APBB3: variants seen among roughly 807,000 people sequenced by gnomAD.
APBB3 encodes the protein amyloid-beta A4 precursor protein-binding family B member 3.
In APBB3, 50 loss-of-function variants were observed where a neutral mutation model predicts 61.5. The ratio of observed to expected loss-of-function variants is 0.81; its 90% CI spans 0.65 to 1.03. The LOEUF (loss-of-function observed/expected upper bound fraction) is 1.03, where lower values mean the gene tolerates loss of function less well. Ranked by LOEUF, APBB3 falls within the 50% of genes least tolerant of loss-of-function variation. The pLI, the probability that APBB3 is intolerant of heterozygous loss-of-function variation, is 0.00. For synonymous variants in APBB3, 235 were observed against 233.0 expected (o/e 1.01, Z -0.08); for missense variants, 550 against 637.4 (o/e 0.86, Z 1.48).
chr5:140,561,587 C>G lies in APBB3; in HGVS notation c.747G>C (p.Gln249His). The change falls in exon 8 of 13, where the codon CAG becomes CAC. Residue 249 changes from glutamine to histidine, a missense_variant and splice_region_variant. Gln to His is a conservative substitution (Grantham distance 24). Coordinates refer to ENST00000357560, the MANE Select transcript of APBB3 (RefSeq NM_133173.3). ...IASALHGLCA[Q>H]ILSERVEVSG... Reference sequence around the variant, plus strand: ...TCCCTGCCCCACCCCTGACACTTACCTGGGCACAAAGCCCATGTAGGGCAC... The same window carrying G: ...TCCCTGCCCCACCCCTGACACTTACGTGGGCACAAAGCCCATGTAGGGCAC... 6.2e-7 allele frequency: 1 copy of G among 1,614,198 alleles called. No individual in the cohort carries two copies. The highest frequency in any genetic ancestry group is 1.3e-5 in the African/African-American group (1 of 75,066).
intron 12 of APBB3, among the ~76,000 whole-genome samples, chr5:140,559,022 T>C (rs564866093): frequency 6.6e-6 from 1 of 152,320 alleles, no homozygotes; most frequent in South Asian, 2.1e-4. Flanking sequence ...GAGGGCAGGC[T>C]GGACACTGCT....
At chr5:140,561,344 G>A (rs1035801009) in intron 9 of APBB3, 21 bp downstream of exon 9, 1 of 1,613,450 alleles carries the variant, frequency 6.2e-7, no homozygotes, top group Non-Finnish European at 8.5e-7. Context: ...ATGCAGCAAT[G>A]CAGGTCTCCC....
Position 140,560,466 on chromosome 5 carries a change from G to A in APBB3, c.1071C>T (p.Cys357=). ...CAATAAATGTCACAAGGCGCACAGG[G>A]CACTGCCACAATGGCTCCTCCTCTG... ...ASTEEEPLWQ[C]PVRLVTFIGV... is the part of the protein sequence containing the mutation. Residue 357 remains cysteine (C), a synonymous_variant, in exon 12 of 13, where the codon TGC becomes TGT. Coordinates refer to ENST00000357560, the MANE Select transcript of APBB3 (RefSeq NM_133173.3). The surrounding 1 kb of genome is among the most constrained non-coding windows in gnomAD (Gnocchi z 5.1). The A allele has an allele frequency of 6.2e-7, 1 of 1,614,090 alleles. No homozygotes were observed.
rs775462297 is a variant in APBB3 at position 140,560,432 on chromosome 5, G to A, written c.1105C>T (p.Arg369Cys). 2.9e-5 allele frequency: 46 copies of A among 1,614,032 alleles called. 1 individual carries two copies. In the Admixed American group the frequency reaches 4.3e-4, roughly 15 times the overall value. ...VRLVTFIGVG[R>C]DPHTFGLIAD... ...ATGAGGCCAAAGGTGTGTGGGTCGC[G>A]GCCAACACCAATAAATGTCACAAGG... The change falls in exon 12 of 13, where the codon CGC (arginine) becomes TGC (cysteine). Residue 369 changes from arginine to cysteine, a missense_variant. Transcript: ENST00000357560. The surrounding 1 kb of genome is among the most constrained non-coding windows in gnomAD (Gnocchi z 5.1).
chr5:140,558,728 A>G lies in APBB3; in HGVS notation c.1318T>C (p.Ser440Pro). The G allele has an allele frequency of 6.2e-7, 1 of 1,608,418 alleles. No individual in the cohort carries two copies. Among genetic ancestry groups the G allele is most frequent in the Non-Finnish European group, 8.5e-7 (1 of 1,178,486 alleles). Residue 440 changes from serine (S) to proline (P), a missense_variant, in exon 13 of 13, where the codon TCC (serine) becomes CCC (proline). Transcript: ENST00000357560. Reference protein sequence around the residue: ...RARLRLKRTSSMDSPGGPLPL... With the variant: ...RARLRLKRTSPMDSPGGPLPL... ...AGGGGACCTCCTGGGGAATCCATGGAGCTGGTCCGCTTGAGCCGCAGGCGG... is the reference window on the plus strand; with the variant it reads ...AGGGGACCTCCTGGGGAATCCATGGGGCTGGTCCGCTTGAGCCGCAGGCGG...
At chr5:140,561,487 GA>G (rs1337873349) in intron 8 of APBB3, 38 bp from the exon 9 acceptor site, 1 of 1,613,876 alleles carries the variant, frequency 6.2e-7, no homozygotes, top group Admixed American at 1.7e-5. Context: ...CACAGGGAGA[GA>G]GGGGAATTAG....
rs746301666 is a variant in APBB3, at chr5:140,561,011, T to C, written c.916+7A>G. ...AGCCCACCACATGCAGCCCCCTCAG[T>C]CCTCACCCATGGCCTTGGTGACTGG... On this transcript the variant is annotated splice_region_variant and intron_variant, in intron 10 of 12. Transcript: ENST00000357560. The C allele has an allele frequency of 1.3e-5, 21 of 1,611,816 alleles. No individual in the cohort carries two copies. The highest frequency in any genetic ancestry group is 1.7e-5 in the Admixed American group (1 of 60,002).
rs1754789416 is a variant in APBB3 at position 140,558,402 on chromosome 5, G to A, written c.*183C>T. 6.8e-6 allele frequency: 5 copies of A among 731,070 alleles called. No individual in the cohort carries two copies. Among genetic ancestry groups the A allele is most frequent in the Non-Finnish European group, 9.7e-6 (4 of 413,910 alleles). 45.3% of individuals were successfully genotyped at this position (731,070 alleles called of 1,614,324 possible). A position where few individuals can be genotyped will look rare whatever the true frequency, so the allele number is the denominator to read the frequency against. ...AAGGGGAGCCAGGGTCCTACGTTGT[G>A]GTGCAGTGCCTCCCAGTCATCCGTA... On this transcript the variant is annotated 3_prime_UTR_variant, in exon 13 of 13. Coordinates refer to ENST00000357560, the MANE Select transcript of APBB3 (RefSeq NM_133173.3).
At position 140,562,716 on chromosome 5, in the gene APBB3, G is replaced by C. The variant is rs1392600949; in HGVS notation, c.298C>G (p.Leu100Val). The C allele has an allele frequency of 1.2e-6, 2 of 1,614,158 alleles. No individual in the cohort carries two copies. Among genetic ancestry groups the C allele is most frequent in the African/African-American group, 1.3e-5 (1 of 75,060 alleles). ...LESSLDRSNS[L>V]SWYGGESYIQ... The stretch of plus-strand genomic sequence containing the variant: ...TAGGATTCCCCACCATACCAGGACA[G>C]AGAGTTACTGAAACAGAGCAGAGCT... The change falls in exon 4 of 13, where the codon CTG becomes GTG. Residue 100 changes from leucine to valine, a missense_variant. Physicochemically the swap from Leu to Val is conservative, Grantham distance 32. This residue lies in a region of APBB3 where 405 missense variants were observed against 483.4 expected (regional missense o/e 0.84). Transcript: ENST00000357560.
At position 140,562,347 on chromosome 5, in the gene APBB3, A is replaced by G; in HGVS notation, c.498+6T>C. ...CCCAAACCATTAAAGGGCCCAGCCAACTCACCTCACCCCAGGCACCATCTG... is the reference window on the plus strand; with the variant it reads ...CCCAAACCATTAAAGGGCCCAGCCAGCTCACCTCACCCCAGGCACCATCTG... On this transcript the variant is annotated splice_donor_region_variant and intron_variant, in intron 5 of 12. Transcript: ENST00000357560. 1 of 1,613,720 alleles carries G rather than the reference A, an allele frequency of 6.2e-7. No individual in the cohort carries two copies. Among genetic ancestry groups the G allele is most frequent in the Non-Finnish European group, 8.5e-7 (1 of 1,179,836 alleles).
Position 140,561,045 on chromosome 5 carries a change from C to T in APBB3, c.889G>A (p.Gly297Arg), listed in dbSNP as rs1265571953. The T allele has an allele frequency of 2.5e-6, 4 of 1,613,762 alleles. No individual in the cohort carries two copies. Among genetic ancestry groups the T allele is most frequent in the Admixed American group, 1.7e-5 (1 of 60,024 alleles). The change falls in exon 10 of 13, where the codon GGG becomes AGG. Residue 297 changes from glycine (G) to arginine (R), a missense_variant. Around this residue, in one of 3 missense-constraint regions of APBB3, gnomAD observed 405 missense variants for 483.4 expected, o/e 0.84. Transcript: ENST00000357560. ...ATGGCCTTGGTGACTGGCAGTGTCC[C>T]CATATACAGTGCCTCGTACTTCTGA... ...AAQKYEALYMGTLPVTKAMGM... is the reference protein window; with the variant it reads ...AAQKYEALYMRTLPVTKAMGM...
At position 140,560,683 on chromosome 5, in the gene APBB3, T is replaced by C. The variant is rs1561870061; in HGVS notation, c.988A>G (p.Met330Val). The change falls in exon 11 of 13, where the codon ATG becomes GTG. Residue 330 changes from methionine to valine, a missense_variant. Met to Val is a conservative substitution (Grantham distance 21). Around this residue, in one of 3 missense-constraint regions of APBB3, gnomAD observed 405 missense variants for 483.4 expected, o/e 0.84. Coordinates refer to ENST00000357560, the MANE Select transcript of APBB3 (RefSeq NM_133173.3). The surrounding 1 kb of genome is among the most constrained non-coding windows in gnomAD (Gnocchi z 5.1). ...RGDRNAWVPT[M>V]LSVSDSLMTA... ...ATGAGAGAGTCAGACACACTGAGCA[T>C]GGTGGGGACCCAGGCATTCCGGTCC... The C allele has an allele frequency of 6.2e-7, 1 of 1,614,146 alleles. No homozygotes were observed. The highest frequency in any genetic ancestry group is 1.1e-5 in the South Asian group (1 of 91,082).
chr5:140,561,166 A>C, intron 9 of APBB3, 65 bp from the exon 10 acceptor site: 1 of 1,577,914 alleles, frequency 6.3e-7, no homozygotes, highest in Non-Finnish European at 8.7e-7. Flanking sequence ...ACCCTTCTCA[A>C]TGGGCCAGGA....
Position 140,560,490 on chromosome 5 carries a change from T to C in APBB3, c.1047A>G (p.Thr349=), listed in dbSNP as rs1246277430. Residue 349 remains threonine, a synonymous_variant, in exon 12 of 13, where the codon ACA becomes ACG. Coordinates refer to ENST00000357560, the MANE Select transcript of APBB3 (RefSeq NM_133173.3). The surrounding 1 kb of genome is among the most constrained non-coding windows in gnomAD (Gnocchi z 5.1). ...TAHPIQAEAS[T]EEEPLWQCPV... ...GGCACTGCCACAATGGCTCCTCCTC[T>C]GTACTGGCCTCTGCCTGCCCACACC... The C allele has an allele frequency of 2.5e-6, 4 of 1,613,446 alleles. No individual in the cohort carries two copies. In the African/African-American group the frequency reaches 4.0e-5, roughly 16 times the overall value.
rs145227435 is a variant in APBB3, at chr5:140,562,215, G to A, written c.511C>T (p.Leu171=). The change falls in exon 6 of 13, where the codon CTG becomes TTG. Residue 171 remains leucine (L), a synonymous_variant. Transcript: ENST00000357560. ...DGAWGEGQNM[L]MILKKDAMSL... ...ATGGCATCCTTCTTCAGGATCATCA[G>A]CATGTTCTGGCCCTGCCAAGGACAG... 134 of 1,614,164 alleles carry A rather than the reference G, an allele frequency of 8.3e-5. No homozygotes were observed. The East Asian group carries it at 2.8e-3, about 34-fold the overall frequency.
chr5:140,558,759 G>A lies in APBB3; in HGVS notation c.1287C>T (p.Ala429=), dbSNP rs146302480. 9.8e-5 allele frequency: 158 copies of A among 1,608,012 alleles called. No individual in the cohort carries two copies. The African/African-American group carries it at 1.9e-3, about 20-fold the overall frequency. ...TCCGCTTGAGCCGCAGGCGGGCACG[G>A]GCCTGGGCACCCCAGGCCTTGCCTC... is the stretch of plus-strand genomic sequence containing the variant. The part of the protein sequence containing the change: ...AARGKAWGAQ[A]RARLRLKRTS... The change falls in exon 13 of 13, where the codon GCC becomes GCT. Residue 429 remains alanine (A), a synonymous_variant. Coordinates refer to ENST00000357560, the MANE Select transcript of APBB3 (RefSeq NM_133173.3).
rs1754867827 is a variant in APBB3 at position 140,559,829 on chromosome 5, G to A, written c.1224+484C>T. Among the ~76,000 whole-genome samples the A allele has an allele frequency of 1.3e-5, 2 of 152,228 alleles. 1 individual carries two copies. Among genetic ancestry groups the A allele is most frequent in the Admixed American group, 1.3e-4 (2 of 15,280 alleles). ...ATCCTAAGTGTTTTGTGAAGGCAAG[G>A]GCTGTGCCCTCTACAGCACTAAATT... On this transcript the variant is annotated intron_variant, in intron 12 of 12. Coordinates refer to ENST00000357560, the MANE Select transcript of APBB3 (RefSeq NM_133173.3).
At position 140,562,290 on chromosome 5, in the gene APBB3, T is replaced by C; in HGVS notation, c.498+63A>G. On this transcript the variant is annotated intron_variant, in intron 5 of 12. Transcript: ENST00000357560. ...GGTCATTGCCATGAGAAATAGGAAA[T>C]TCAGGGACAGCTACCTCTGCTGGGC... 3.1e-6 allele frequency: 5 copies of C among 1,611,274 alleles called. No homozygotes were observed. The Admixed American group carries it at 8.4e-5, about 27-fold the overall frequency.
In APBB3 at chr5:140,561,825, A is replaced by C. The variant is rs752518398; in HGVS notation, c.632+19T>G. On this transcript the variant is annotated intron_variant, in intron 7 of 12. Coordinates refer to ENST00000357560, the MANE Select transcript of APBB3 (RefSeq NM_133173.3). Reference sequence around the variant, plus strand: ...AGGGACATCAGGGATGGGGCTCAGGATACCTGGTTTTCACTCACCTGTCAC... The same window carrying C: ...AGGGACATCAGGGATGGGGCTCAGGCTACCTGGTTTTCACTCACCTGTCAC... The C allele has an allele frequency of 6.2e-7, 1 of 1,613,816 alleles. No homozygotes were observed. Among genetic ancestry groups the C allele is most frequent in the Non-Finnish European group, 8.5e-7 (1 of 1,179,994 alleles).
Sources: allele counts gnomAD v4.1 joint callset (sites outside exome capture counted in the v4.1 genomes callset), GRCh38; gene constraint gnomAD v4.1.1; regional missense constraint gnomAD v4.1.1; non-coding constraint Gnocchi (gnomAD v3.1); transcripts MANE v1.5; gene names NCBI Gene and HGNC (gene_info 2026-07-23, HGNC 2026-07-21).